The following ROBO2 variants were observed in gnomAD, a reference collection of about 807,000 sequenced individuals.
ROBO2 encodes the protein roundabout homolog 2.
ROBO2 carries 53 observed loss-of-function variants against 160.8 expected under a neutral mutation model. That is an observed-to-expected ratio of 0.33 (90% CI 0.26 to 0.41). The LOEUF is 0.41. Ranked by LOEUF, ROBO2 falls within the 10% of genes least tolerant of loss-of-function variation. The probability of loss-of-function intolerance (pLI) is 1.00; values close to 1 mark genes in which losing one functional copy is unlikely to be tolerated. For missense variants in ROBO2, 1,577 were observed against 1,722.4 expected, an observed-to-expected ratio of 0.92 and a Z score of 1.49; for synonymous variants, 664 against 611.7, an observed-to-expected ratio of 1.09 and a Z score of -1.26.
chr3:75,908,539 AC>A (rs1946443177), intron 1 of ROBO2, among the ~76,000 whole-genome samples: 1 of 152,134 alleles, frequency 6.6e-6, no homozygotes, highest in Non-Finnish European at 1.5e-5. Flanking sequence ...TTATTATGGA[AC>A]ATATAAAATA....
At chr3:76,210,461 T>C (rs1027323153) in intron 2 of ROBO2, among the ~76,000 whole-genome samples, 1 of 152,094 alleles carries the variant, frequency 6.6e-6, no homozygotes, top group African/African-American at 2.4e-5. Context: ...CTTTAGGATA[T>C]AATGGCTTAA....
chr3:76,145,461 T>C (rs2071848563), intron 2 of ROBO2, among the ~76,000 whole-genome samples: 1 of 152,006 alleles, frequency 6.6e-6, no homozygotes, highest in South Asian at 2.1e-4. Flanking sequence ...TAATCATGAC[T>C]TCAATAAATT....
chr3:77,009,726 G>A (rs144280086), intron 2 of ROBO2, among the ~76,000 whole-genome samples: 3 of 151,982 alleles, frequency 2.0e-5, no homozygotes, highest in South Asian at 2.1e-4. Flanking sequence ...GGGGAGGGTC[G>A]CCTGAGGTCA....
rs150197707 is a variant in ROBO2, at chr3:76,234,834, A to G, written c.109+297232A>G. On this transcript the variant is annotated intron_variant, in intron 2 of 26. Coordinates refer to the ROBO2 transcript ENST00000487694. ...TTTTTGAAATTGGAGTGTTTATCCT[A>G]TGCCTGTTCATTATATTTTGGAAGA... 3.6e-3 allele frequency among the ~76,000 whole-genome samples: 542 copies of G among 152,188 alleles called. 7 individuals are homozygous for G. Among genetic ancestry groups the G allele is most frequent in the Admixed American group, 0.025 (378 of 15,288 alleles).
intron 2 of ROBO2, among the ~76,000 whole-genome samples, chr3:76,728,737 T>G (rs973945974): frequency 2.0e-4 from 30 of 152,344 alleles, no homozygotes; most frequent in Admixed American, 1.6e-3. Context: ...CAGCTTACAA[T>G]GTGAATACAA....
chr3:76,707,753 AT>A (rs2093200460), intron 2 of ROBO2, among the ~76,000 whole-genome samples: 3 of 148,552 alleles, frequency 2.0e-5, no homozygotes, highest in African/African-American at 7.4e-5. Context: ...ATATATATAT[AT>A]ATATATAAAT....
chr3:77,462,079 G>GAA (rs1273984161), intron 2 of ROBO2, among the ~76,000 whole-genome samples: 6 of 152,124 alleles, frequency 3.9e-5, no homozygotes, highest in African/African-American at 1.4e-4. Flanking sequence ...ATTTGAGAGA[G>GAA]AAAAATAACT....
intron 2 of ROBO2, among the ~76,000 whole-genome samples, chr3:76,106,181 C>A (rs1317924648): frequency 6.6e-6 from 1 of 152,044 alleles, no homozygotes; most frequent in Non-Finnish European, 1.5e-5. Context: ...TGTAGAGATG[C>A]TGACAAAATT....
chr3:76,486,948 C>T (rs1317485213), intron 2 of ROBO2, among the ~76,000 whole-genome samples: 1 of 151,998 alleles, frequency 6.6e-6, no homozygotes, highest in Non-Finnish European at 1.5e-5. Flanking sequence ...TTTTGGAATA[C>T]CCAAGCCAGA....
intron 2 of ROBO2, among the ~76,000 whole-genome samples, chr3:77,251,099 A>T (rs1235183583): frequency 2.0e-5 from 3 of 152,118 alleles, no homozygotes; most frequent in Admixed American, 2.0e-4. Flanking sequence ...AGGCTTCACT[A>T]GGCATTGCCT....
At chr3:76,468,482 C>A (rs1057343866) in intron 2 of ROBO2, among the ~76,000 whole-genome samples, 1 of 152,034 alleles carries the variant, frequency 6.6e-6, no homozygotes, top group African/African-American at 2.4e-5. Flanking sequence ...CAACTTCTTG[C>A]CCCTCCCCTT....
intron 2 of ROBO2, among the ~76,000 whole-genome samples, chr3:76,777,320 T>G (rs75632380): frequency 0.044 from 6,683 of 151,124 alleles, 220 homozygotes; most frequent in Non-Finnish European, 0.065. Flanking sequence ...AAAAGATTAT[T>G]GACTTTTTTT....
chr3:77,056,961 G>A (rs1465990432), intron 1 of ROBO2, among the ~76,000 whole-genome samples: 1 of 152,018 alleles, frequency 6.6e-6, no homozygotes, highest in Non-Finnish European at 1.5e-5. Flanking sequence ...CCCATTACTG[G>A]TTATATACCC....
At chr3:76,038,358 T>C (rs1215754942) in intron 2 of ROBO2, among the ~76,000 whole-genome samples, 1 of 151,834 alleles carries the variant, frequency 6.6e-6, no homozygotes, top group Non-Finnish European at 1.5e-5. Flanking sequence ...TAAAATTAAG[T>C]AGGAAAGTAG....
chr3:76,836,854 T>C (rs2067738785), intron 2 of ROBO2, among the ~76,000 whole-genome samples: 1 of 151,926 alleles, frequency 6.6e-6, no homozygotes, highest in African/African-American at 2.4e-5. Flanking sequence ...TATGTATTCT[T>C]CTGCTGTTGG....
intron 2 of ROBO2, among the ~76,000 whole-genome samples, chr3:76,177,410 C>T (rs993269811): frequency 1.3e-5 from 2 of 152,064 alleles, no homozygotes; most frequent in Non-Finnish European, 2.9e-5. Flanking sequence ...GAATTCAATT[C>T]CACTTAAACA....
At chr3:76,779,220 A>G (rs2062473777) in intron 2 of ROBO2, among the ~76,000 whole-genome samples, 1 of 151,056 alleles carries the variant, frequency 6.6e-6, no homozygotes, top group South Asian at 2.1e-4. Flanking sequence ...TATTTAATGT[A>G]CACAAAGTAA....
chr3:77,458,194 C>T (rs1370442452), intron 2 of ROBO2, among the ~76,000 whole-genome samples: 1 of 152,156 alleles, frequency 6.6e-6, no homozygotes, highest in Non-Finnish European at 1.5e-5. Context: ...AGGACTCAAA[C>T]AAAAGGCTTT....
At chr3:76,248,913 C>T (rs959676037) in intron 2 of ROBO2, among the ~76,000 whole-genome samples, 1 of 152,028 alleles carries the variant, frequency 6.6e-6, no homozygotes, top group Non-Finnish European at 1.5e-5. Context: ...GTGCTGTTTA[C>T]GCTGGTACTA....
Sources: gnomAD v4.1 joint callset for allele counts (sites outside exome capture counted in the v4.1 genomes callset) on GRCh38, gnomAD v4.1.1 for gene constraint, MANE v1.5 for transcripts, NCBI Gene and HGNC (gene_info 2026-07-23, HGNC 2026-07-21) for gene names.